The following SORCS2 variants were observed in gnomAD, a reference collection of about 807,000 sequenced individuals.
SORCS2 encodes VPS10 domain-containing receptor SorCS2.
In SORCS2, 100 loss-of-function variants were observed where a neutral mutation model predicts 141.6. The observed-to-expected ratio is 0.71, with a 90% CI of 0.60 to 0.83. SORCS2 has a LOEUF of 0.83. Ranked by LOEUF, SORCS2 falls within the 40% of genes least tolerant of loss-of-function variation. SORCS2 has a pLI of 0.00. For missense variants in SORCS2, 1,646 were observed against 1,560.2 expected (o/e 1.05, Z -0.93); for synonymous variants, 789 against 676.9 (o/e 1.17, Z -2.57).
At chr4:7,607,169 T>G (rs905874744) in intron 3 of SORCS2, among the ~76,000 whole-genome samples, 5 of 152,256 alleles carry the variant, frequency 3.3e-5, no homozygotes, top group African/African-American at 1.2e-4. Context: ...CTTATGAAGC[T>G]GCAGGTTCCC....
chr4:7,453,566 GCT>G (rs1450723700), intron 2 of SORCS2, among the ~76,000 whole-genome samples: 34 of 139,756 alleles, frequency 2.4e-4, no homozygotes, highest in Admixed American at 5.8e-4. Context: ...GTTGGGGTCA[GCT>G]GCTGTGTTGG....
chr4:7,421,289 C>T (rs1726028738), intron 2 of SORCS2, among the ~76,000 whole-genome samples: 1 of 152,252 alleles, frequency 6.6e-6, no homozygotes, highest in African/African-American at 2.4e-5. Flanking sequence ...CCTGTGTCTC[C>T]TCTCTGCTCT....
intron 1 of SORCS2, among the ~76,000 whole-genome samples, chr4:7,358,906 A>G (rs1243609184): frequency 2.0e-5 from 3 of 151,906 alleles, no homozygotes; most frequent in Non-Finnish European, 4.4e-5. Flanking sequence ...TGATGTGATC[A>G]CAGCTCACTG....
chr4:7,716,932 T>G (rs2109046255), intron 17 of SORCS2, among the ~76,000 whole-genome samples: 1 of 152,368 alleles, frequency 6.6e-6, no homozygotes, highest in African/African-American at 2.4e-5. Flanking sequence ...GAAATGGGCC[T>G]GTGCATGATC....
chr4:7,345,166 C>A (rs543154393), intron 1 of SORCS2, among the ~76,000 whole-genome samples: 2 of 152,154 alleles, frequency 1.3e-5, no homozygotes, highest in Non-Finnish European at 2.9e-5. Context: ...AACTTTGGAG[C>A]GGTAGAAGCT....
At position 7,716,161 on chromosome 4, in the gene SORCS2, T is replaced by G. The variant is rs79652698; in HGVS notation, c.2252+850T>G. ...CGTGCTCCGTCAGAAAGTCCCAATT[T>G]CCTCATTTCTCTTTGAGGACATTTT... On this transcript the variant is annotated intron_variant, in intron 17 of 26. Coordinates refer to ENST00000507866, the MANE Select transcript of SORCS2 (RefSeq NM_020777.3). Among the ~76,000 whole-genome samples the G allele has an allele frequency of 2.8e-3, 432 of 152,342 alleles. 2 individuals are homozygous for G. The highest frequency in any genetic ancestry group is 0.02 in the East Asian group (102 of 5,180).
rs1726305069 is a variant in SORCS2 at position 7,424,688 on chromosome 4, G to C, written c.548+28333G>C. Among the ~76,000 whole-genome samples the C allele has an allele frequency of 2.6e-5, 4 of 152,210 alleles. No individual in the cohort carries two copies. In the South Asian group the frequency reaches 8.3e-4, roughly 31 times the overall value. ...AGCAGCTCCCCAGCCCAGAGTCCCT[G>C]TGCCGGGGCTCTCAGCAGGACAAAG... On this transcript the variant is annotated intron_variant, in intron 2 of 26. Transcript: ENST00000507866.
At chr4:7,347,133 T>C (rs1312415602) in intron 1 of SORCS2, among the ~76,000 whole-genome samples, 1 of 152,170 alleles carries the variant, frequency 6.6e-6, no homozygotes, top group East Asian at 1.9e-4. Flanking sequence ...CTGAACATAA[T>C]TGAGTTGGGA....
chr4:7,514,114 AG>A (rs1183285335), intron 2 of SORCS2, among the ~76,000 whole-genome samples: 1 of 152,160 alleles, frequency 6.6e-6, no homozygotes, highest in Non-Finnish European at 1.5e-5. Context: ...ACAAGCTGCA[AG>A]GGGTGGCTGA....
At chr4:7,589,558 A>C (rs931106205) in intron 3 of SORCS2, among the ~76,000 whole-genome samples, 4 of 152,090 alleles carry the variant, frequency 2.6e-5, no homozygotes, top group Non-Finnish European at 5.9e-5. Flanking sequence ...GCCTGCCACC[A>C]TGCCCGGCTA....
chr4:7,300,512 G>A (rs1392231902), intron 1 of SORCS2, among the ~76,000 whole-genome samples: 1 of 152,162 alleles, frequency 6.6e-6, no homozygotes, highest in Admixed American at 6.5e-5. Flanking sequence ...GTGATGAAGC[G>A]GTGGCATGAG....
chr4:7,388,041 C>A (rs907170239), intron 1 of SORCS2, among the ~76,000 whole-genome samples: 2 of 149,240 alleles, frequency 1.3e-5, no homozygotes, highest in Non-Finnish European at 3.0e-5. Context: ...CACACATGCA[C>A]ACACACATGC....
intron 3 of SORCS2, among the ~76,000 whole-genome samples, chr4:7,571,884 T>C (rs552835905): frequency 3.4e-4 from 51 of 152,132 alleles, no homozygotes; most frequent in Non-Finnish European, 7.1e-4. Context: ...TCGACCCCCC[T>C]CGCGGTGCCA....
At chr4:7,724,144 G>GATGGTGATAGCA (rs1384776881) in intron 19 of SORCS2, among the ~76,000 whole-genome samples, 2 of 128,360 alleles carry the variant, frequency 1.6e-5, no homozygotes, top group African/African-American at 6.1e-5. Flanking sequence ...TGGTGGTGAT[G>GATGGTGATAGCA]GTCGTGGTGG....
intron 3 of SORCS2, among the ~76,000 whole-genome samples, chr4:7,552,863 T>C (rs1713818386): frequency 6.6e-6 from 1 of 151,992 alleles, no homozygotes; most frequent in Non-Finnish European, 1.5e-5. Context: ...TTCCCTGCAA[T>C]GTGTGGTCTC....
chr4:7,316,720 T>C (rs1367562612), intron 1 of SORCS2, among the ~76,000 whole-genome samples: 2 of 152,172 alleles, frequency 1.3e-5, no homozygotes, highest in Non-Finnish European at 2.9e-5. Context: ...TAGAAATAAA[T>C]GGGGACTGGA....
intron 3 of SORCS2, among the ~76,000 whole-genome samples, chr4:7,548,094 G>A (rs1445242970): frequency 6.6e-6 from 1 of 152,224 alleles, no homozygotes; most frequent in Non-Finnish European, 1.5e-5. Flanking sequence ...GCAAGGAGGA[G>A]AACATTCCTC....
intron 11 of SORCS2, among the ~76,000 whole-genome samples, chr4:7,690,234 A>G (rs1447735877): frequency 6.8e-6 from 1 of 147,748 alleles, no homozygotes; most frequent in East Asian, 2.0e-4. Flanking sequence ...TGGATGATGG[A>G]TGATGGATAG....
intron 4 of SORCS2, among the ~76,000 whole-genome samples, chr4:7,650,553 C>G (rs1231168954): frequency 1.3e-5 from 2 of 152,180 alleles, no homozygotes; most frequent in African/African-American, 4.8e-5. Context: ...TGCCGGAGCC[C>G]AAGAACCCTA....
Sources: allele counts gnomAD v4.1 joint callset (sites outside exome capture counted in the v4.1 genomes callset), GRCh38; gene constraint gnomAD v4.1.1; transcripts MANE v1.5; gene names NCBI Gene and HGNC (gene_info 2026-07-23, HGNC 2026-07-21).